Variants in HSD17B4 observed in about 807,000 individuals in gnomAD.
HSD17B4 encodes hydroxysteroid 17-beta dehydrogenase 4.
Under a neutral mutation model 101.0 loss-of-function variants are expected in HSD17B4, and 70 were observed. The observed-to-expected ratio is 0.69, with a 90% CI of 0.57 to 0.85. HSD17B4 has a LOEUF of 0.85. HSD17B4 is among the 40% of genes least tolerant of loss of function. The pLI, the probability that HSD17B4 is intolerant of heterozygous loss-of-function variation, is 0.00. For synonymous variants in HSD17B4, 347 were observed against 297.1 expected, an observed-to-expected ratio of 1.17 and a Z score of -1.73; for missense variants, 984 against 892.4, an observed-to-expected ratio of 1.10 and a Z score of -1.31.
chr5:119,475,462 G>C (rs921902370), intron 4 of HSD17B4, among the ~76,000 whole-genome samples: 1 of 152,072 alleles, frequency 6.6e-6, no homozygotes, highest in Non-Finnish European at 1.5e-5. Flanking sequence ...TTTTGATAGA[G>C]AGGTGGGAAA....
chr5:119,496,475 A>G (rs1390390513), intron 11 of HSD17B4, 68 bp from the exon 12 acceptor site: 1 of 856,964 alleles, frequency 1.2e-6, no homozygotes, highest in African/African-American at 1.7e-5. Flanking sequence ...TATGTAGCAT[A>G]TTGTAGCTTT....
rs145606093 is a variant in HSD17B4 at position 119,455,566 on chromosome 5, C to CTATATATA, written c.59-748_59-747insATATATAT. On this transcript the variant is annotated intron_variant, in intron 1 of 23. Coordinates refer to ENST00000510025, the MANE Select transcript of HSD17B4 (RefSeq NM_000414.4). ...TTTCTCTCTCTCTCTCTCTCTCTCT[C>CTATATATA]TCTATATATATATATATAATTTCTT... 1.1e-3 allele frequency among the ~76,000 whole-genome samples: 127 copies of CTATATATA among 120,046 alleles called. 1 individual carries two copies. Among genetic ancestry groups the CTATATATA allele is most frequent in the African/African-American group, 2.4e-3 (81 of 33,716 alleles). The allele number at this position is 120,046 out of a possible 152,430, so 78.8% of individuals were successfully genotyped here. A position where few individuals can be genotyped will look rare whatever the true frequency, so the allele number is the denominator to read the frequency against.
intron 2 of HSD17B4, among the ~76,000 whole-genome samples, chr5:119,457,517 A>T (rs754168409): frequency 6.6e-6 from 1 of 152,242 alleles, no homozygotes; most frequent in Non-Finnish European, 1.5e-5. Context: ...ACTGTCTGCT[A>T]ATCCAATCTG....
At chr5:119,493,012 T>C (rs1254929000) in intron 10 of HSD17B4, 1 of 152,160 alleles carries the variant, frequency 6.6e-6, no homozygotes, top group Admixed American at 6.6e-5. Context: ...CTTATATTCT[T>C]GAAGCATTTT....
intron 8 of HSD17B4, among the ~76,000 whole-genome samples, chr5:119,485,034 A>T (rs1749489116): frequency 6.6e-6 from 1 of 152,196 alleles, no homozygotes; most frequent in Non-Finnish European, 1.5e-5. Context: ...AAGCATGAAA[A>T]TGTAATGAAT....
chr5:119,522,791 C>T (rs951348953), intron 17 of HSD17B4, among the ~76,000 whole-genome samples: 10 of 152,020 alleles, frequency 6.6e-5, no homozygotes, highest in African/African-American at 1.9e-4. Flanking sequence ...TCTGTTCTCC[C>T]CGAAAGTGAT....
chr5:119,466,886 T>C (rs1205823332), intron 2 of HSD17B4, among the ~76,000 whole-genome samples: 1 of 152,196 alleles, frequency 6.6e-6, no homozygotes, highest in Non-Finnish European at 1.5e-5. Flanking sequence ...ATTTGAATTC[T>C]TTCTACTTTT....
intron 2 of HSD17B4, among the ~76,000 whole-genome samples, chr5:119,459,522 T>C (rs1271907292): frequency 6.6e-6 from 1 of 152,242 alleles, no homozygotes; most frequent in African/African-American, 2.4e-5. Context: ...GTCTGTTTTC[T>C]GTTGCTTATA....
At position 119,517,852 on chromosome 5, in the gene HSD17B4, G is replaced by T. The variant is rs374830363; in HGVS notation, c.1503+2806G>T. 3.9e-5 allele frequency among the ~76,000 whole-genome samples: 6 copies of T among 152,306 alleles called. No homozygotes were observed. The South Asian group carries it at 1.2e-3, about 32-fold the overall frequency. ...GCACCCTGTGTCTAGCTCAGGGTTT[G>T]TGAATGCACCAATTGATACTCTGTA... is the stretch of plus-strand genomic sequence containing the variant. On this transcript the variant is annotated intron_variant, in intron 17 of 23. Transcript: ENST00000510025.
chr5:119,474,441 G>C lies in HSD17B4; in HGVS notation c.261G>C (p.Leu87=), dbSNP rs762632843. The stretch of plus-strand genomic sequence containing the variant: ...GAGAGAAGGTTGTGAAGACAGCCCT[G>C]GATGCTTTTGGAAGAATAGGTGATG... ...EEGEKVVKTA[L]DAFGRIDVVV... is the part of the protein sequence containing the mutation. Residue 87 remains leucine, a synonymous_variant, in exon 4 of 24, where the codon CTG becomes CTC. Transcript: ENST00000510025. 1.2e-6 allele frequency: 2 copies of C among 1,605,682 alleles called. No individual in the cohort carries two copies. Among genetic ancestry groups the C allele is most frequent in the Non-Finnish European group, 1.7e-6 (2 of 1,172,440 alleles).
intron 8 of HSD17B4, among the ~76,000 whole-genome samples, chr5:119,486,617 A>ATT (rs1749632100): frequency 1.3e-5 from 2 of 152,180 alleles, no homozygotes; most frequent in Non-Finnish European, 2.9e-5. Context: ...TAAGATTTAT[A>ATT]TAAAGCTGTA....
At chr5:119,491,417 G>A (rs1431024093) in intron 9 of HSD17B4, among the ~76,000 whole-genome samples, 3 of 147,366 alleles carry the variant, frequency 2.0e-5, no homozygotes. Flanking sequence ...TAGTTGTGGT[G>A]TTTGAAGTGA....
At chr5:119,452,841 A>C (rs1485630008) in intron 1 of HSD17B4, 2 of 1,535,644 alleles carry the variant, frequency 1.3e-6, no homozygotes, top group Non-Finnish European at 1.7e-6. Flanking sequence ...GCTTCTCCCC[A>C]GCACCCCGGT....
chr5:119,462,292 G>A (rs1400660348), intron 2 of HSD17B4, among the ~76,000 whole-genome samples: 6 of 56,482 alleles, frequency 1.1e-4, no homozygotes, highest in Non-Finnish European at 1.9e-4. Flanking sequence ...TTGCTTAGTG[G>A]AACTAATGAT....
chr5:119,454,609 T>C (rs1176477401), intron 1 of HSD17B4, among the ~76,000 whole-genome samples: 1 of 151,954 alleles, frequency 6.6e-6, no homozygotes, highest in Non-Finnish European at 1.5e-5. Flanking sequence ...TTTGGAAAAC[T>C]GTATATTTTT....
chr5:119,536,324 A>G (rs1178276977), intron 22 of HSD17B4, 99 bp from the exon 23 acceptor site: 3 of 1,094,686 alleles, frequency 2.7e-6, no homozygotes, highest in Non-Finnish European at 4.2e-6. Flanking sequence ...CCACATTAAC[A>G]TGGAAACTAT....
chr5:119,498,642 C>T (rs1162747269), intron 12 of HSD17B4, among the ~76,000 whole-genome samples: 4 of 152,116 alleles, frequency 2.6e-5, no homozygotes, highest in Non-Finnish European at 4.4e-5. Context: ...CTTTGGGAGG[C>T]CGAGGTGGGT....
intron 16 of HSD17B4, among the ~76,000 whole-genome samples, chr5:119,512,601 A>G (rs1434884252): frequency 6.6e-6 from 1 of 152,166 alleles, no homozygotes; most frequent in Non-Finnish European, 1.5e-5. Context: ...TAAGAATTTT[A>G]TAACCAGCAA....
intron 10 of HSD17B4, 62 bp from the exon 11 acceptor site, chr5:119,493,756 T>C (rs1580606283): frequency 4.8e-6 from 7 of 1,467,984 alleles, no homozygotes; most frequent in African/African-American, 2.8e-5. Context: ...AGGGTTCTTA[T>C]GCATCTTACT....
Sources: gnomAD v4.1 joint callset for allele counts (sites outside exome capture counted in the v4.1 genomes callset) on GRCh38, gnomAD v4.1.1 for gene constraint, MANE v1.5 for transcripts, NCBI Gene and HGNC (gene_info 2026-07-23, HGNC 2026-07-21) for gene names.